CFAP54: variants seen among roughly 807,000 people sequenced by gnomAD.
The protein encoded by CFAP54 is cilia- and flagella-associated protein 54.
Under a neutral mutation model 370.4 loss-of-function variants are expected in CFAP54, and 290 were observed. That is an observed-to-expected ratio of 0.78 (90% CI 0.71 to 0.86). The LOEUF (loss-of-function observed/expected upper bound fraction) is 0.86. CFAP54 is among the 40% of genes least tolerant of loss of function. CFAP54 has a pLI of 0.00. For missense variants in CFAP54, 3,399 were observed against 3,528.7 expected (o/e 0.96, Z 0.93); for synonymous variants, 1,206 against 1,236.5 (o/e 0.98, Z 0.52).
intron 1 of CFAP54, among the ~76,000 whole-genome samples, chr12:96,495,518 G>A (rs1239785384): frequency 1.3e-5 from 2 of 148,678 alleles, no homozygotes; most frequent in Non-Finnish European, 3.0e-5. Context: ...ACGGGATTTC[G>A]TGATGTTTCC....
intron 56 of CFAP54, among the ~76,000 whole-genome samples, chr12:96,754,479 T>C (rs931935076): frequency 2.6e-5 from 4 of 152,188 alleles, no homozygotes; most frequent in Non-Finnish European, 4.4e-5. Flanking sequence ...ATGTTCAATA[T>C]GTATCTCATA....
chr12:96,660,453 A>C (rs1956981416), intron 38 of CFAP54, among the ~76,000 whole-genome samples: 1 of 152,108 alleles, frequency 6.6e-6, no homozygotes, highest in Non-Finnish European at 1.5e-5. Flanking sequence ...TATCATGATG[A>C]ATTTTGTAAT....
chr12:96,864,906 T>C (rs1018184658), intron 67 of CFAP54, among the ~76,000 whole-genome samples: 4 of 152,120 alleles, frequency 2.6e-5, no homozygotes, highest in Non-Finnish European at 4.4e-5. Flanking sequence ...TTAAATGAAA[T>C]ATACATGTCT....
At chr12:96,855,442 G>A (rs922007492) in intron 66 of CFAP54, among the ~76,000 whole-genome samples, 3 of 152,146 alleles carry the variant, frequency 2.0e-5, no homozygotes, top group African/African-American at 4.8e-5. Context: ...CTATAAACCT[G>A]TAAAATCAAA....
At position 96,500,894 on chromosome 12, in the gene CFAP54, C is replaced by T; in HGVS notation, c.378C>T (p.Tyr126=). ...CCCCCAGGCTGCCAGCAGACTATTA[C>T]AACGAAAAGCTTCTGAAGGTTGGAG... ...KYAPRLPADY[Y]NEKLLKVGDS... is the part of the protein sequence containing the mutation. The change falls in exon 2 of 68, where the codon TAC becomes TAT. Residue 126 remains tyrosine (Y), a synonymous_variant. Coordinates refer to ENST00000524981, the MANE Select transcript of CFAP54 (RefSeq NM_001306084.2). 1 of 1,534,056 alleles carries T rather than the reference C, an allele frequency of 6.5e-7. No homozygotes were observed. Among genetic ancestry groups the T allele is most frequent in the Non-Finnish European group, 8.7e-7 (1 of 1,145,820 alleles).
At chr12:96,744,689 ATTAT>A (rs1410188341) in intron 55 of CFAP54, among the ~76,000 whole-genome samples, 2 of 152,084 alleles carry the variant, frequency 1.3e-5, no homozygotes, top group East Asian at 1.9e-4. Flanking sequence ...TTTATTTTTT[ATTAT>A]TTATTTTCTT....
chr12:96,756,133 A>G (rs1958254716), intron 56 of CFAP54, among the ~76,000 whole-genome samples: 1 of 152,210 alleles, frequency 6.6e-6, no homozygotes, highest in Non-Finnish European at 1.5e-5. Context: ...ATGTCAAAAA[A>G]GGGAATGTAA....
At chr12:96,652,860 A>C (rs1217455160) in intron 36 of CFAP54, among the ~76,000 whole-genome samples, 1 of 152,390 alleles carries the variant, frequency 6.6e-6, no homozygotes, top group East Asian at 1.9e-4. Flanking sequence ...GTTAGACAAG[A>C]TAATATAAAT....
At chr12:96,843,439 G>A (rs1392339132) in intron 66 of CFAP54, among the ~76,000 whole-genome samples, 1 of 152,136 alleles carries the variant, frequency 6.6e-6, no homozygotes, top group Non-Finnish European at 1.5e-5. Flanking sequence ...TTACTGTAAT[G>A]GAATTTCCCC....
intron 26 of CFAP54, among the ~76,000 whole-genome samples, chr12:96,615,895 A>G (rs1406360085): frequency 6.6e-6 from 1 of 152,226 alleles, no homozygotes; most frequent in Admixed American, 6.5e-5. Context: ...AGAAATAGGA[A>G]CACTTTTACA....
At chr12:96,597,361 C>T (rs1956191172) in intron 25 of CFAP54, among the ~76,000 whole-genome samples, 1 of 151,870 alleles carries the variant, frequency 6.6e-6, no homozygotes, top group African/African-American at 2.4e-5. Context: ...AGAATGTATA[C>T]TGTGTTCTGG....
intron 32 of CFAP54, among the ~76,000 whole-genome samples, chr12:96,643,397 ATGTGTG>A (rs60873633): frequency 1.3e-5 from 2 of 151,572 alleles, no homozygotes; most frequent in East Asian, 3.9e-4. Flanking sequence ...GTATGTGTGT[ATGTGTG>A]TGTGTGTGTG....
intron 60 of CFAP54, among the ~76,000 whole-genome samples, chr12:96,771,371 T>A (rs76596327): frequency 0.024 from 3,677 of 152,240 alleles, 153 homozygotes; most frequent in African/African-American, 0.082. Flanking sequence ...CCCACTTTAG[T>A]CCCGGAAGCA....
intron 39 of CFAP54, among the ~76,000 whole-genome samples, chr12:96,664,777 C>A (rs12313695): frequency 0.014 from 209 of 14,846 alleles, 11 homozygotes; most frequent in Non-Finnish European, 0.019. Context: ...ATATCTATAT[C>A]TATATATATA....
chr12:96,805,903 C>T (rs192865779), intron 63 of CFAP54, among the ~76,000 whole-genome samples: 3 of 151,680 alleles, frequency 2.0e-5, no homozygotes, highest in African/African-American at 4.8e-5. Context: ...TGAATCATGT[C>T]TTTTGTAGTA....
intron 58 of CFAP54, among the ~76,000 whole-genome samples, chr12:96,759,904 A>ATTC (rs1468774218): frequency 3.3e-5 from 5 of 152,208 alleles, no homozygotes. Context: ...AAACGTCTTT[A>ATTC]TTCTTCTTCC....
chr12:96,809,156 G>A (rs983943968), intron 63 of CFAP54, among the ~76,000 whole-genome samples: 6 of 152,050 alleles, frequency 3.9e-5, no homozygotes, highest in Admixed American at 2.0e-4. Context: ...TCCATGATGC[G>A]CATTGGTGTG....
chr12:96,599,161 C>T (rs1956212854), intron 26 of CFAP54, among the ~76,000 whole-genome samples: 1 of 150,006 alleles, frequency 6.7e-6, no homozygotes, highest in Non-Finnish European at 1.5e-5. Flanking sequence ...CTCCCCCAGC[C>T]CCCCACCCCC....
rs1260831717 is a variant in CFAP54, at chr12:96,829,016, C to T, written c.9099C>T (p.Asp3033=). The stretch of plus-strand genomic sequence containing the variant: ...TATTACTATCTTCTTATTTCTAGGA[C>T]ATGATTATTCAATGTTGCTCTGAAA... The part of the protein sequence containing the change: ...EEESVDNEME[D]MIIQCCSEIA... Residue 3033 remains aspartate, a splice_region_variant and synonymous_variant, in exon 66 of 68, where the codon GAC becomes GAT. Transcript: ENST00000524981. 9 of 1,489,494 alleles carry T rather than the reference C, an allele frequency of 6.0e-6. No homozygotes were observed. The South Asian group carries it at 9.8e-5, about 16-fold the overall frequency. 92.3% of individuals were successfully genotyped at this position (1,489,494 alleles called of 1,614,324 possible). A position where few individuals can be genotyped will look rare whatever the true frequency, so the allele number is the denominator to read the frequency against.
Sources: allele counts gnomAD v4.1 joint callset (sites outside exome capture counted in the v4.1 genomes callset), GRCh38; gene constraint gnomAD v4.1.1; transcripts MANE v1.5; gene names NCBI Gene and HGNC (gene_info 2026-07-23, HGNC 2026-07-21).